Variants in ZNF627 observed in about 807,000 individuals in gnomAD.
ZNF627 encodes zinc finger protein 627.
A neutral mutation model predicts 10.6 loss-of-function variants in ZNF627; 12 were observed. That is an observed-to-expected ratio of 1.13 (90% CI 0.73 to 1.84). ZNF627 has a LOEUF of 1.84. ZNF627 is among the 40% of genes most tolerant of loss of function. The pLI, the probability that ZNF627 is intolerant of heterozygous loss-of-function variation, is 0.00. For missense variants in ZNF627, 504 were observed against 568.4 expected (o/e 0.89, Z 1.15); for synonymous variants, 176 against 187.1 (o/e 0.94, Z 0.48).
In ZNF627 at chr19:11,617,843, A is replaced by G. The variant is rs1238899159; in HGVS notation, c.1340A>G (p.Tyr447Cys). 6.3e-7 allele frequency: 1 copy of G among 1,594,564 alleles called. No individual in the cohort carries two copies. Among genetic ancestry groups the G allele is most frequent in the Admixed American group, 1.8e-5 (1 of 57,056 alleles). ...HEKIHTGEKP[Y>C]ENPNPNASVV... ...AAAATTCATACTGGAGAGAAACCCTATGAGAACCCTAACCCTAACGCTTCA... is the reference window on the plus strand; with the variant it reads ...AAAATTCATACTGGAGAGAAACCCTGTGAGAACCCTAACCCTAACGCTTCA... The change falls in exon 4 of 4, where the codon TAT (tyrosine) becomes TGT (cysteine). Residue 447 changes from tyrosine to cysteine, a missense_variant. By Grantham distance (194) the Tyr-to-Cys change is radical. Coordinates refer to ENST00000361113, the MANE Select transcript of ZNF627 (RefSeq NM_145295.4).
At chr19:11,599,398 A>G (rs1220660374) in intron 1 of ZNF627, among the ~76,000 whole-genome samples, 1 of 152,204 alleles carries the variant, frequency 6.6e-6, no homozygotes, top group African/African-American at 2.4e-5. Context: ...GGAAAAACAG[A>G]TATGATTCTT....
intron 1 of ZNF627, 69 bp downstream of exon 1, chr19:11,597,699 G>A: frequency 7.6e-7 from 1 of 1,320,822 alleles, no homozygotes. Context: ...GGAACCGGCT[G>A]TGGAGGGACC....
In ZNF627 at chr19:11,597,593, G is replaced by A; in HGVS notation, c.-35G>A. The A allele has an allele frequency of 1.5e-6, 2 of 1,326,510 alleles. No homozygotes were observed. Among genetic ancestry groups the A allele is most frequent in the Non-Finnish European group, 1.9e-6 (2 of 1,030,196 alleles). The allele number at this position is 1,326,510 out of a possible 1,614,324, so 82.2% of individuals were successfully genotyped here. A position where few individuals can be genotyped will look rare whatever the true frequency, so the allele number is the denominator to read the frequency against. On this transcript the variant is annotated 5_prime_UTR_variant, in exon 1 of 4. Coordinates refer to ENST00000361113, the MANE Select transcript of ZNF627 (RefSeq NM_145295.4). ...GTGACCTGTACAGGTCGCGGGAGTC[G>A]TAGGGAGGACGCCGGGACACCTGGA...
chr19:11,612,635 G>T (rs553578632), intron 1 of ZNF627, among the ~76,000 whole-genome samples: 11 of 151,614 alleles, frequency 7.3e-5, no homozygotes, highest in African/African-American at 2.7e-4. Flanking sequence ...TGACCAGGCT[G>T]GTCTGGAACT....
intron 1 of ZNF627, among the ~76,000 whole-genome samples, chr19:11,609,985 T>C (rs966420306): frequency 6.6e-6 from 1 of 151,904 alleles, no homozygotes; most frequent in African/African-American, 2.4e-5. Flanking sequence ...TTTTTTCCCA[T>C]TGATGAGCCA....
chr19:11,603,110 GT>G (rs926518722), intron 1 of ZNF627, among the ~76,000 whole-genome samples: 9 of 151,788 alleles, frequency 5.9e-5, no homozygotes, highest in Non-Finnish European at 1.3e-4. Context: ...GCCAAAAAGA[GT>G]TTTTTTTTGG....
chr19:11,600,827 G>T (rs1464872706), intron 1 of ZNF627, among the ~76,000 whole-genome samples: 3 of 152,152 alleles, frequency 2.0e-5, no homozygotes, highest in Admixed American at 2.0e-4. Context: ...TTTAGTACAT[G>T]ATTTGTTACC....
intron 1 of ZNF627, among the ~76,000 whole-genome samples, chr19:11,610,704 A>G (rs898281312): frequency 2.1e-4 from 32 of 152,146 alleles, no homozygotes; most frequent in African/African-American, 7.5e-4. Flanking sequence ...TCTGGCCCCA[A>G]TAGACTGTCC....
In ZNF627 at chr19:11,617,170, T is replaced by C; in HGVS notation, c.667T>C (p.Tyr223His). 6.2e-7 allele frequency: 1 copy of C among 1,613,808 alleles called. No individual in the cohort carries two copies. Among genetic ancestry groups the C allele is most frequent in the Non-Finnish European group, 8.5e-7 (1 of 1,179,960 alleles). The change falls in exon 4 of 4, where the codon TAT becomes CAT. Residue 223 changes from tyrosine (Y) to histidine (H), a missense_variant. By Grantham distance (83) the Tyr-to-His change is moderately conservative. Transcript: ENST00000361113. Reference sequence around the variant, plus strand: ...AAGAAGTCACACTGGAGAGAAACCTTATGAATGCAAGCAATGTGGGAAAGC... The same window carrying C: ...AAGAAGTCACACTGGAGAGAAACCTCATGAATGCAAGCAATGTGGGAAAGC... Reference protein sequence around the residue: ...HERSHTGEKPYECKQCGKAFS... With the variant: ...HERSHTGEKPHECKQCGKAFS...
rs1568445658 is a variant in ZNF627 at position 11,617,861 on chromosome 19, A to G, written c.1358A>G (p.Asn453Ser). ...GEKPYENPNP[N>S]ASVVPVLS ...AAACCCTATGAGAACCCTAACCCTAACGCTTCAGTTGTCCCAGTTCTTTCA... is the reference window on the plus strand; with the variant it reads ...AAACCCTATGAGAACCCTAACCCTAGCGCTTCAGTTGTCCCAGTTCTTTCA... Residue 453 changes from asparagine (N) to serine (S), a missense_variant, in exon 4 of 4, where the codon AAC (asparagine) becomes AGC (serine). By Grantham distance (46) the Asn-to-Ser change is conservative (BLOSUM62 1). Transcript: ENST00000361113. 1.3e-6 allele frequency: 2 copies of G among 1,559,300 alleles called. No homozygotes were observed. The highest frequency in any genetic ancestry group is 1.7e-6 in the Non-Finnish European group (2 of 1,159,906).
chr19:11,600,539 T>C (rs1973567716), intron 1 of ZNF627, among the ~76,000 whole-genome samples: 1 of 151,920 alleles, frequency 6.6e-6, no homozygotes, highest in Non-Finnish European at 1.5e-5. Flanking sequence ...TGATTTAAAA[T>C]GGAATTCCAG....
chr19:11,599,871 C>T (rs1973555342), intron 1 of ZNF627, among the ~76,000 whole-genome samples: 1 of 152,004 alleles, frequency 6.6e-6, no homozygotes, highest in East Asian at 1.9e-4. Flanking sequence ...CACACCACTG[C>T]ACCCCAGCCT....
chr19:11,601,785 A>G (rs1289213205), intron 1 of ZNF627, among the ~76,000 whole-genome samples: 3 of 151,762 alleles, frequency 2.0e-5, no homozygotes, highest in African/African-American at 7.3e-5. Flanking sequence ...AGGTGGGTGG[A>G]TCACAATGTT....
intron 1 of ZNF627, among the ~76,000 whole-genome samples, chr19:11,605,747 C>T (rs1334281554): frequency 6.6e-6 from 1 of 152,088 alleles, no homozygotes; most frequent in African/African-American, 2.4e-5. Context: ...ATTCCACCCC[C>T]AGCCCCTCCC....
At chr19:11,601,676 G>A (rs1254765933) in intron 1 of ZNF627, among the ~76,000 whole-genome samples, 2 of 151,988 alleles carry the variant, frequency 1.3e-5, no homozygotes, top group East Asian at 3.9e-4. Flanking sequence ...TATTCTAAAG[G>A]ATAATCGAAA....
intron 3 of ZNF627, 58 bp downstream of exon 3, chr19:11,614,945 AATT>A: frequency 8.4e-7 from 1 of 1,190,978 alleles, no homozygotes; most frequent in Non-Finnish European, 1.2e-6. Flanking sequence ...TATTGTTAGG[AATT>A]TTTTTTTTTT....
At chr19:11,611,601 C>T (rs933747743) in intron 1 of ZNF627, among the ~76,000 whole-genome samples, 2 of 152,054 alleles carry the variant, frequency 1.3e-5, no homozygotes, top group Non-Finnish European at 2.9e-5. Flanking sequence ...AAAATTAGAA[C>T]AGAGTTAAAA....
chr19:11,615,843 G>T (rs1463409640), intron 3 of ZNF627, among the ~76,000 whole-genome samples: 1 of 146,406 alleles, frequency 6.8e-6, no homozygotes, highest in African/African-American at 2.5e-5. Flanking sequence ...TGAGCCTCCC[G>T]AGTAGCTGGG....
At chr19:11,609,761 G>A (rs922773167) in intron 1 of ZNF627, among the ~76,000 whole-genome samples, 2 of 151,664 alleles carry the variant, frequency 1.3e-5, no homozygotes, top group Admixed American at 6.6e-5. Flanking sequence ...CTTGTGATCC[G>A]CCCACCTTGG....
Sources: gnomAD v4.1 joint callset for allele counts (sites outside exome capture counted in the v4.1 genomes callset) on GRCh38, gnomAD v4.1.1 for gene constraint, MANE v1.5 for transcripts, NCBI Gene and HGNC (gene_info 2026-07-23, HGNC 2026-07-21) for gene names.